Variants in SEMA3E observed in about 807,000 individuals in gnomAD.
SEMA3E encodes the protein semaphorin 3E, also known as semaphorin-3E.
In SEMA3E, 49 loss-of-function variants were observed where a neutral mutation model predicts 93.6. The ratio of observed to expected loss-of-function variants is 0.52; its 90% CI spans 0.42 to 0.66. The LOEUF (loss-of-function observed/expected upper bound fraction) is 0.66, where lower values mean the gene tolerates loss of function less well. SEMA3E is among the 30% of genes least tolerant of loss of function. The probability of loss-of-function intolerance (pLI) is 0.00; values close to 1 mark genes in which losing one functional copy is unlikely to be tolerated. For missense variants in SEMA3E, 906 were observed against 964.8 expected, an observed-to-expected ratio of 0.94 and a Z score of 0.81; for synonymous variants, 363 against 330.7, an observed-to-expected ratio of 1.10 and a Z score of -1.06.
In SEMA3E at chr7:83,372,015, G is replaced by A. The variant is rs377448779; in HGVS notation, c.1876-3977C>T. The A allele has an allele frequency of 6.8e-5, 24 of 352,948 alleles. 1 individual carries two copies. The highest frequency in any genetic ancestry group is 8.3e-5 in the African/African-American group (4 of 47,922). 21.9% of individuals were successfully genotyped at this position (352,948 alleles called of 1,614,324 possible). On this transcript the variant is annotated intron_variant, in intron 16 of 16. Transcript: ENST00000643230. ...CTTCAAACATATAAGTTTTTAAAGG[G>A]CAAAGACCTATTTCTTTATTCTTCT...
intron 1 of SEMA3E, among the ~76,000 whole-genome samples, chr7:83,590,414 T>C (rs1792735064): frequency 6.6e-6 from 1 of 152,166 alleles, no homozygotes; most frequent in Non-Finnish European, 1.5e-5. Context: ...AAATATTAGG[T>C]TGCCTAAAGC....
chr7:83,593,180 A>G (rs890535879), intron 1 of SEMA3E, among the ~76,000 whole-genome samples: 1 of 151,920 alleles, frequency 6.6e-6, no homozygotes, highest in African/African-American at 2.4e-5. Flanking sequence ...GAGGGGCAAG[A>G]TCATAAAATC....
intron 1 of SEMA3E, among the ~76,000 whole-genome samples, chr7:83,522,936 A>G (rs1430835927): frequency 6.6e-6 from 1 of 152,048 alleles, no homozygotes; most frequent in African/African-American, 2.4e-5. Flanking sequence ...CCCTAAGCAC[A>G]ATTCTCAGGA....
At chr7:83,579,579 G>GT (rs1436552140) in intron 1 of SEMA3E, among the ~76,000 whole-genome samples, 1 of 152,020 alleles carries the variant, frequency 6.6e-6, no homozygotes, top group African/African-American at 2.4e-5. Context: ...TTGGTACATG[G>GT]TAAAAAGTAA....
Position 83,367,944 on chromosome 7 carries a change from A to C in SEMA3E, c.1970T>G (p.Val657Gly), listed in dbSNP as rs1794697339. The change falls in exon 17 of 17, where the codon GTA becomes GGA. Residue 657 changes from valine (V) to glycine (G), a missense_variant. By Grantham distance (109) the Val-to-Gly change is moderately radical. Transcript: ENST00000643230. ...GACCGTATGGACAAAGCTATGCTCTACTGTCTGGCAAAAATAGGTCCCAGC... is the reference window on the plus strand; with the variant it reads ...GACCGTATGGACAAAGCTATGCTCTCCTGTCTGGCAAAAATAGGTCCCAGC... ...SDAGTYFCQTVEHSFVHTVRK... is the reference protein window; with the variant it reads ...SDAGTYFCQTGEHSFVHTVRK... 6.2e-7 allele frequency: 1 copy of C among 1,613,462 alleles called. No individual in the cohort carries two copies. Among genetic ancestry groups the C allele is most frequent in the African/African-American group, 1.3e-5 (1 of 74,990 alleles).
intron 1 of SEMA3E, among the ~76,000 whole-genome samples, chr7:83,646,406 G>A (rs1297601558): frequency 6.6e-6 from 1 of 152,012 alleles, no homozygotes. Flanking sequence ...GGCCCCTGAG[G>A]TGCAGTAGGC....
intron 1 of SEMA3E, among the ~76,000 whole-genome samples, chr7:83,648,198 T>A (rs538128934): frequency 6.6e-6 from 1 of 152,098 alleles, no homozygotes; most frequent in African/African-American, 2.4e-5. Flanking sequence ...CAGACAAAAA[T>A]AACATCTCTA....
At chr7:83,574,978 A>T (rs140329053) in intron 1 of SEMA3E, among the ~76,000 whole-genome samples, 9 of 152,326 alleles carry the variant, frequency 5.9e-5, no homozygotes, top group African/African-American at 2.2e-4. Flanking sequence ...TAATGGATAC[A>T]ATGAACAATA....
At chr7:83,606,295 T>C (rs192687346) in intron 1 of SEMA3E, among the ~76,000 whole-genome samples, 33 of 152,330 alleles carry the variant, frequency 2.2e-4, no homozygotes, top group African/African-American at 7.5e-4. Flanking sequence ...GGCCTTAATA[T>C]TTTAGCAACT....
Position 83,466,475 on chromosome 7 carries a change from A to T in SEMA3E, c.456+7T>A, listed in dbSNP as rs554017689. 1 of 1,613,914 alleles carries T rather than the reference A, an allele frequency of 6.2e-7. No homozygotes were observed. The highest frequency in any genetic ancestry group is 1.1e-5 in the South Asian group (1 of 91,068). Reference sequence around the variant, plus strand: ...TTTTATTGACAGCAATGAATGAAACATCTTACCTCCAAATGATATCCAACT... The same window carrying T: ...TTTTATTGACAGCAATGAATGAAACTTCTTACCTCCAAATGATATCCAACT... On this transcript the variant is annotated splice_region_variant and intron_variant, in intron 4 of 16. Coordinates refer to ENST00000643230, the MANE Select transcript of SEMA3E (RefSeq NM_012431.3).
rs538094065 is a variant in SEMA3E, at chr7:83,372,111, G to A, written c.1876-4073C>T. On this transcript the variant is annotated intron_variant, in intron 16 of 16. Transcript: ENST00000643230. ...GAGAACATACTAATTCATTTTTAGA[G>A]CACAAACATGTATAGCAATGGGGTA... 1.1e-4 allele frequency: 45 copies of A among 393,272 alleles called. 1 individual carries two copies. In the South Asian group the frequency reaches 6.1e-3, roughly 54 times the overall value. 24.4% of individuals were successfully genotyped at this position (393,272 alleles called of 1,614,324 possible).
chr7:83,611,544 C>A (rs1018363622), intron 1 of SEMA3E, among the ~76,000 whole-genome samples: 32 of 151,196 alleles, frequency 2.1e-4, no homozygotes, highest in African/African-American at 7.5e-4. Flanking sequence ...AGCAGCCTTC[C>A]CCATCAGGAA....
At position 83,367,734 on chromosome 7, in the gene SEMA3E, T is replaced by G. The variant is rs1460111029; in HGVS notation, c.2180A>C (p.Glu727Ala). Reference sequence around the variant, plus strand: ...TGTGCACCATACTTTCTCGCAGTATTCTTCCACTCTCTGGAAGTTGCTATA... The same window carrying G: ...TGTGCACCATACTTTCTCGCAGTATGCTTCCACTCTCTGGAAGTTGCTATA... ...IGYSNFQRVEEYCEKVWCTDR... is the reference protein window; with the variant it reads ...IGYSNFQRVEAYCEKVWCTDR... The change falls in exon 17 of 17, where the codon GAA becomes GCA. Residue 727 changes from glutamate to alanine, a missense_variant. Glu to Ala is a moderately radical substitution (Grantham distance 107). Coordinates refer to ENST00000643230, the MANE Select transcript of SEMA3E (RefSeq NM_012431.3). The G allele has an allele frequency of 6.2e-7, 1 of 1,614,014 alleles. No individual in the cohort carries two copies. Among genetic ancestry groups the G allele is most frequent in the East Asian group, 2.2e-5 (1 of 44,880 alleles).
intron 14 of SEMA3E, among the ~76,000 whole-genome samples, chr7:83,390,000 T>C (rs571332366): frequency 7.6e-6 from 1 of 132,188 alleles, no homozygotes; most frequent in Non-Finnish European, 1.6e-5. Context: ...TGTGTATACG[T>C]ATACACATAT....
rs372214993 is a variant in SEMA3E at position 83,413,229 on chromosome 7, TTATC to T, written c.551-4746_551-4743del. On this transcript the variant is annotated intron_variant, in intron 5 of 16. Coordinates refer to ENST00000643230, the MANE Select transcript of SEMA3E (RefSeq NM_012431.3). ...AAGAGTTTTGTTCATGGACTATATA[TTATC>T]TGAGTTTTTATTTACCATGTTGGAT... 6.6e-5 allele frequency among the ~76,000 whole-genome samples: 10 copies of T among 152,302 alleles called. 1 individual carries two copies. The highest frequency in any genetic ancestry group is 2.2e-4 in the African/African-American group (9 of 41,584).
chr7:83,617,572 A>G (rs1793405109), intron 1 of SEMA3E, among the ~76,000 whole-genome samples: 1 of 146,690 alleles, frequency 6.8e-6, no homozygotes, highest in Admixed American at 6.8e-5. Flanking sequence ...AATTTTATAT[A>G]AGTAATATAT....
At chr7:83,402,416 T>C (rs1788249092) in intron 10 of SEMA3E, among the ~76,000 whole-genome samples, 1 of 152,010 alleles carries the variant, frequency 6.6e-6, no homozygotes, top group Non-Finnish European at 1.5e-5. Context: ...ATAATACTGC[T>C]GTGTCCATTA....
chr7:83,627,115 T>C (rs1429835901), intron 1 of SEMA3E, among the ~76,000 whole-genome samples: 1 of 152,166 alleles, frequency 6.6e-6, no homozygotes, highest in Non-Finnish European at 1.5e-5. Context: ...TGAGGAGTGT[T>C]TTACTTCCAA....
chr7:83,563,768 C>G (rs1429669047), intron 1 of SEMA3E, among the ~76,000 whole-genome samples: 2 of 151,966 alleles, frequency 1.3e-5, no homozygotes, highest in Admixed American at 1.3e-4. Flanking sequence ...AAAAATGATT[C>G]TCTCCTCTCC....
Sources: allele counts gnomAD v4.1 joint callset (sites outside exome capture counted in the v4.1 genomes callset), GRCh38; gene constraint gnomAD v4.1.1; transcripts MANE v1.5; gene names NCBI Gene and HGNC (gene_info 2026-07-23, HGNC 2026-07-21).